MYO18A: variants seen among roughly 807,000 people sequenced by gnomAD.
MYO18A encodes unconventional myosin-XVIIIa.
Under a neutral mutation model 235.8 loss-of-function variants are expected in MYO18A, and 78 were observed. The ratio of observed to expected loss-of-function variants is 0.33; its 90% CI spans 0.28 to 0.40. The LOEUF is 0.40. Ranked by LOEUF, MYO18A falls within the 10% of genes least tolerant of loss-of-function variation. The pLI, the probability that MYO18A is intolerant of heterozygous loss-of-function variation, is 1.00. For missense variants in MYO18A, 2,215 were observed against 2,699.3 expected, an observed-to-expected ratio of 0.82 and a Z score of 3.98; for synonymous variants, 977 against 1,077.8, an observed-to-expected ratio of 0.91 and a Z score of 1.83.
chr17:29,120,713 T>A lies in MYO18A; in HGVS notation c.1631A>T (p.Asn544Ile), dbSNP rs993580550. Reference sequence around the variant, plus strand: ...ATTGCCATTAATGATGGTGGGGCTGTTCCCAAAGGCTTCCAGGAGGGTGTA... The same window carrying A: ...ATTGCCATTAATGATGGTGGGGCTGATCCCAAAGGCTTCCAGGAGGGTGTA... ...ALYTLLEAFG[N>I]SPTIINGNAT... The change falls in exon 7 of 42, where the codon AAC becomes ATC. Residue 544 changes from asparagine to isoleucine, a missense_variant. Asn to Ile is a moderately radical substitution (Grantham distance 149). Transcript: ENST00000527372. The surrounding 1 kb of genome is among the most constrained non-coding windows in gnomAD (Gnocchi z 4.2). The A allele has an allele frequency of 6.8e-6, 11 of 1,613,788 alleles. No individual in the cohort carries two copies. The highest frequency in any genetic ancestry group is 9.3e-6 in the Non-Finnish European group (11 of 1,179,858).
At chr17:29,161,930 A>C (rs2068183215) in intron 2 of MYO18A, among the ~76,000 whole-genome samples, 1 of 152,240 alleles carries the variant, frequency 6.6e-6, no homozygotes, top group Non-Finnish European at 1.5e-5. Flanking sequence ...CTTAAGAGTA[A>C]CTGATCCAAA....
At position 29,125,812 on chromosome 17, in the gene MYO18A, A is replaced by G; in HGVS notation, c.1000-3559T>C. 1 of 727,460 alleles carries G rather than the reference A, an allele frequency of 1.4e-6. No individual in the cohort carries two copies. The highest frequency in any genetic ancestry group is 1.7e-6 in the Non-Finnish European group (1 of 593,078). The allele number at this position is 727,460 out of a possible 1,614,324, so 45.1% of individuals were successfully genotyped here. On this transcript the variant is annotated intron_variant, in intron 2 of 41. Transcript: ENST00000527372. The surrounding 1 kb of genome is among the most constrained non-coding windows in gnomAD (Gnocchi z 5.1). ...AGCCATCTTCATGGTCAGCGCGCCT[A>G]CAGACACACACAGGGTCCTGCCGCC... is the stretch of plus-strand genomic sequence containing the variant.
chr17:29,099,513 T>C lies in MYO18A; in HGVS notation c.3636+121A>G, dbSNP rs1276351005. The C allele has an allele frequency of 6.0e-6, 8 of 1,334,298 alleles. No homozygotes were observed. In the Admixed American group the frequency reaches 8.2e-5, roughly 14 times the overall value. 82.7% of individuals were successfully genotyped at this position (1,334,298 alleles called of 1,614,324 possible). A position where few individuals can be genotyped will look rare whatever the true frequency, so the allele number is the denominator to read the frequency against. ...CCAGGGAGCTGCCTGTTCCCCACCC[T>C]GGCCCAGGACATGGTGCCCTGGGAG... On this transcript the variant is annotated intron_variant, in intron 22 of 41. Transcript: ENST00000527372.
At chr17:29,119,287 G>A (rs757696863) in intron 8 of MYO18A, 48 bp downstream of exon 8, 3 of 1,431,166 alleles carry the variant, frequency 2.1e-6, no homozygotes, top group Non-Finnish European at 2.9e-6. Context: ...AGCCCAGTCA[G>A]TGGGCTGGAG....
chr17:29,169,879 G>A (rs1165197550), intron 1 of MYO18A, among the ~76,000 whole-genome samples: 4 of 152,082 alleles, frequency 2.6e-5, no homozygotes, highest in Non-Finnish European at 4.4e-5. Context: ...GAGTGGAAAG[G>A]ATCTCCCAGA....
At chr17:29,131,341 A>G (rs1258125347) in intron 2 of MYO18A, 1 of 948,700 alleles carries the variant, frequency 1.1e-6, no homozygotes. Context: ...ACATGCCCGC[A>G]CACACACACG....
chr17:29,101,375 T>C (rs1425813044), intron 21 of MYO18A, among the ~76,000 whole-genome samples: 2 of 151,702 alleles, frequency 1.3e-5, no homozygotes, highest in African/African-American at 2.4e-5. Context: ...GTGCAATCTC[T>C]GCTTACTGCA....
chr17:29,097,806 C>T lies in MYO18A; in HGVS notation c.4084G>A (p.Val1362Met). ...LIRAAEINGEVDDDDAGGEWR... is the reference protein window; with the variant it reads ...LIRAAEINGEMDDDDAGGEWR... ...GGCCCACCTGCATCATCATCATCCA[C>T]TTCCCCGTTGATCTCCGCTGCCCGG... Residue 1362 changes from valine (V) to methionine (M), a missense_variant, in exon 26 of 42, where the codon GTG (valine) becomes ATG (methionine). By Grantham distance (21) the Val-to-Met change is conservative. Transcript: ENST00000527372. The T allele has an allele frequency of 6.2e-7, 1 of 1,613,034 alleles. No individual in the cohort carries two copies. Among genetic ancestry groups the T allele is most frequent in the South Asian group, 1.1e-5 (1 of 90,908 alleles).
Position 29,121,756 on chromosome 17 carries a change from G to A in MYO18A, c.1195-33C>T. The A allele has an allele frequency of 6.3e-7, 1 of 1,586,646 alleles. No homozygotes were observed. Among genetic ancestry groups the A allele is most frequent in the Non-Finnish European group, 8.6e-7 (1 of 1,164,708 alleles). ...GGAGGACAGGCGGGTGGGTATTAGA[G>A]CAGCAGAGCCCATCTCCGCTGCCAG... On this transcript the variant is annotated intron_variant, in intron 4 of 41. Coordinates refer to ENST00000527372, the MANE Select transcript of MYO18A (RefSeq NM_078471.4). The surrounding 1 kb of genome is among the most constrained non-coding windows in gnomAD (Gnocchi z 4.2).
At chr17:29,161,592 G>A (rs1450854652) in intron 2 of MYO18A, among the ~76,000 whole-genome samples, 1 of 152,030 alleles carries the variant, frequency 6.6e-6, no homozygotes, top group East Asian at 1.9e-4. Flanking sequence ...CAACCACATT[G>A]GCCAGGGTTT....
intron 2 of MYO18A, among the ~76,000 whole-genome samples, chr17:29,162,880 C>CA (rs2068203945): frequency 6.6e-6 from 1 of 152,206 alleles, no homozygotes; most frequent in African/African-American, 2.4e-5. Flanking sequence ...GCTACCAGGA[C>CA]ACATGAAGGT....
At chr17:29,176,859 G>T (rs1040891519) in intron 1 of MYO18A, 23 of 152,108 alleles carry the variant, frequency 1.5e-4, no homozygotes, top group African/African-American at 4.8e-4. Context: ...GGAGCCGGGC[G>T]GCCCTTGGCG....
chr17:29,133,717 T>TC (rs1325170989), intron 2 of MYO18A: 2 of 1,077,576 alleles, frequency 1.9e-6, no homozygotes, highest in East Asian at 1.2e-4. Context: ...AAGCTCCCTC[T>TC]CCCACAAGCC....
At chr17:29,082,504 T>C in intron 40 of MYO18A, 66 bp from the exon 41 acceptor site, 2 of 1,547,206 alleles carry the variant, frequency 1.3e-6, no homozygotes, top group South Asian at 1.2e-5. Flanking sequence ...GGGGAGCAGA[T>C]GGGGGTGCAG....
intron 40 of MYO18A, among the ~76,000 whole-genome samples, chr17:29,083,604 T>C (rs561335354): frequency 6.7e-6 from 1 of 150,092 alleles, no homozygotes; most frequent in Non-Finnish European, 1.5e-5. Context: ...GCCCAACTCA[T>C]AGAGAGGGGA....
intron 2 of MYO18A, among the ~76,000 whole-genome samples, chr17:29,153,654 C>A (rs1469150333): frequency 6.6e-6 from 1 of 152,164 alleles, no homozygotes; most frequent in Non-Finnish European, 1.5e-5. Flanking sequence ...TGGGTCCTTG[C>A]CTAGGGCCCT....
At chr17:29,099,493 G>A in intron 22 of MYO18A, 141 bp downstream of exon 22, 2 of 1,149,426 alleles carry the variant, frequency 1.7e-6, no homozygotes, top group Non-Finnish European at 2.4e-6. Context: ...TGGCACCAGG[G>A]AGCTGCCTGT....
chr17:29,086,724 G>T (rs1478011827), intron 38 of MYO18A, 147 bp from the exon 39 acceptor site: 2 of 1,240,114 alleles, frequency 1.6e-6, no homozygotes, highest in Non-Finnish European at 2.2e-6. Flanking sequence ...CTCTGTTGCT[G>T]CTGGGCTGTG....
intron 2 of MYO18A, chr17:29,131,368 C>A (rs918447221): frequency 4.1e-6 from 4 of 985,732 alleles, no homozygotes; most frequent in African/African-American, 1.7e-5. Context: ...TCGGAGAACT[C>A]AAGGATGCAC....
Sources: allele counts gnomAD v4.1 joint callset (sites outside exome capture counted in the v4.1 genomes callset), GRCh38; gene constraint gnomAD v4.1.1; non-coding constraint Gnocchi (gnomAD v3.1); transcripts MANE v1.5; gene names NCBI Gene and HGNC (gene_info 2026-07-23, HGNC 2026-07-21).